KCNS3: variants seen among roughly 807,000 people sequenced by gnomAD.
The protein encoded by KCNS3 is delayed-rectifier potassium channel regulatory subunit KCNS3.
A neutral mutation model predicts 31.0 loss-of-function variants in KCNS3; 13 were observed. The observed-to-expected ratio is 0.42, with a 90% CI of 0.27 to 0.67. The LOEUF is 0.67. KCNS3 is among the 30% of genes least tolerant of loss of function. The pLI is 0.25. For missense variants in KCNS3, 545 were observed against 622.4 expected (o/e 0.88, Z 1.32); for synonymous variants, 238 against 241.5 (o/e 0.99, Z 0.13).
chr2:17,906,015 G>T (rs552432091), intron 1 of KCNS3, among the ~76,000 whole-genome samples: 50 of 152,272 alleles, frequency 3.3e-4, no homozygotes, highest in African/African-American at 1.1e-3. Flanking sequence ...TCTATTGATT[G>T]GAATAGTTTC....
At position 17,930,982 on chromosome 2, in the gene KCNS3, G is replaced by C; in HGVS notation, c.-27G>C. 6.3e-7 allele frequency: 1 copy of C among 1,599,938 alleles called. No homozygotes were observed. Among genetic ancestry groups the C allele is most frequent in the South Asian group, 1.1e-5 (1 of 88,684 alleles). ...CTGATCTTCCTCTTCTCCCTTGCCA[G>C]CCAGCACTCTGCCTTCTGTATCCAC... On this transcript the variant is annotated 5_prime_UTR_variant, in exon 3 of 3. Transcript: ENST00000304101.
chr2:17,923,787 C>T (rs2125252187), intron 2 of KCNS3, among the ~76,000 whole-genome samples: 1 of 151,756 alleles, frequency 6.6e-6, no homozygotes, highest in South Asian at 2.1e-4. Flanking sequence ...TCAAAAAGCC[C>T]ATATGGGCTT....
intron 1 of KCNS3, among the ~76,000 whole-genome samples, chr2:17,897,003 A>AT (rs1311413246): frequency 9.2e-5 from 14 of 152,154 alleles, no homozygotes; most frequent in Admixed American, 8.5e-4. Context: ...GGTAGTGAGC[A>AT]TAATACCAAA....
intron 1 of KCNS3, among the ~76,000 whole-genome samples, chr2:17,906,511 T>C (rs562809667): frequency 2.0e-5 from 3 of 152,356 alleles, no homozygotes; most frequent in South Asian, 4.1e-4. Context: ...AGCTTTTGAA[T>C]GTGTTTGCTC....
At chr2:17,893,940 GTTTTTTTTTTTTTTT>G (rs5829612) in intron 1 of KCNS3, among the ~76,000 whole-genome samples, 6 of 98,904 alleles carry the variant, frequency 6.1e-5, no homozygotes, top group African/African-American at 2.2e-4. Flanking sequence ...CCAGGAGCCA[GTTTTTTTTTTTTTTT>G]TTTTTTTTTT....
intron 1 of KCNS3, among the ~76,000 whole-genome samples, chr2:17,894,662 C>G (rs1661980188): frequency 6.6e-6 from 1 of 152,140 alleles, no homozygotes; most frequent in Admixed American, 6.5e-5. Context: ...GTTTGTTTTT[C>G]CCAAGTGTGC....
intron 1 of KCNS3, among the ~76,000 whole-genome samples, chr2:17,899,799 CTG>C (rs1286325367): frequency 6.6e-6 from 1 of 152,228 alleles, no homozygotes; most frequent in Non-Finnish European, 1.5e-5. Context: ...CCATAACAAA[CTG>C]TGACTCTTCT....
chr2:17,932,001 C>G lies in KCNS3; in HGVS notation c.993C>G (p.Leu331=), dbSNP rs1663004747. 2 of 1,614,140 alleles carry G rather than the reference C, an allele frequency of 1.2e-6. No homozygotes were observed. The highest frequency in any genetic ancestry group is 1.7e-6 in the Non-Finnish European group (2 of 1,180,028). The change falls in exon 3 of 3, where the codon CTC becomes CTG. Residue 331 remains leucine, a synonymous_variant. Coordinates refer to ENST00000304101, the MANE Select transcript of KCNS3 (RefSeq NM_002252.5). The part of the protein sequence containing the change: ...YHEVGLLLLF[L]SVGISIFSVL... ...AAGTTGGGCTTCTGCTTCTCTTCCT[C>G]TCTGTGGGCATTTCCATTTTCTCTG...
In KCNS3 at chr2:17,888,647, A is replaced by G. The variant is rs1240664569; in HGVS notation, c.-252+9841A>G. On this transcript the variant is annotated intron_variant, in intron 1 of 2. Transcript: ENST00000304101. Reference sequence around the variant, plus strand: ...AAAAAATGTATATATATATATATATATATATATATATATATATATATATAT... The same window carrying G: ...AAAAAATGTATATATATATATATATGTATATATATATATATATATATATAT... Among the ~76,000 whole-genome samples the G allele has an allele frequency of 1.5e-3, 202 of 130,656 alleles. 8 individuals carry two copies. The highest frequency in any genetic ancestry group is 4.7e-3 in the African/African-American group (169 of 36,024). 85.7% of individuals were successfully genotyped at this position (130,656 alleles called of 152,430 possible).
chr2:17,893,940 G>GTTTTTTTTTTTTTTTTTTTTTTTT (rs5829612), intron 1 of KCNS3, among the ~76,000 whole-genome samples: 1 of 98,904 alleles, frequency 1.0e-5, no homozygotes, highest in African/African-American at 4.5e-5. Flanking sequence ...CCAGGAGCCA[G>GTTTTTTTTTTTTTTTTTTTTTTTT]TTTTTTTTTT....
At chr2:17,917,450 C>G (rs527693847) in intron 1 of KCNS3, among the ~76,000 whole-genome samples, 1 of 152,218 alleles carries the variant, frequency 6.6e-6, no homozygotes, top group East Asian at 1.9e-4. Context: ...TAGAGGAATC[C>G]TAAGACTTTC....
At chr2:17,928,612 A>AT (rs1368631286) in intron 2 of KCNS3, among the ~76,000 whole-genome samples, 1 of 150,340 alleles carries the variant, frequency 6.7e-6, no homozygotes, top group East Asian at 1.9e-4. Flanking sequence ...GCTTTGTTGA[A>AT]TTTTTTTTAA....
chr2:17,912,381 C>T (rs1662490537), intron 1 of KCNS3, among the ~76,000 whole-genome samples: 1 of 152,216 alleles, frequency 6.6e-6, no homozygotes, highest in South Asian at 2.1e-4. Flanking sequence ...CAGCCCTAGC[C>T]TCTGTCTCCA....
chr2:17,882,980 T>A (rs1485169579), intron 1 of KCNS3, among the ~76,000 whole-genome samples: 3 of 152,178 alleles, frequency 2.0e-5, no homozygotes, highest in Admixed American at 1.3e-4. Context: ...GGGCAAGAGG[T>A]CTCATTCTCT....
At chr2:17,896,987 T>C (rs4482481) in intron 1 of KCNS3, among the ~76,000 whole-genome samples, 131,982 of 152,074 alleles carry the variant, frequency 0.87, 57,346 homozygotes, top group East Asian at 0.98. Flanking sequence ...TGGGACCAGT[T>C]ACCCAGGTAG....
Position 17,931,008 on chromosome 2 carries a change from C to G in KCNS3, c.-1C>G. On this transcript the variant is annotated 5_prime_UTR_variant, in exon 3 of 3. Coordinates refer to ENST00000304101, the MANE Select transcript of KCNS3 (RefSeq NM_002252.5). This position sits in a 1 kb window ranked among gnomAD's most constrained non-coding sequence, Gnocchi z 5.4. Reference sequence around the variant, plus strand: ...CCAGCACTCTGCCTTCTGTATCCACCATGGTGTTTGGTGAGTTTTTCCATC... The same window carrying G: ...CCAGCACTCTGCCTTCTGTATCCACGATGGTGTTTGGTGAGTTTTTCCATC... 6.2e-7 allele frequency: 1 copy of G among 1,612,322 alleles called. No individual in the cohort carries two copies. The highest frequency in any genetic ancestry group is 8.5e-7 in the Non-Finnish European group (1 of 1,179,042).
intron 2 of KCNS3, chr2:17,919,505 T>C (rs1312780830): frequency 1.3e-5 from 2 of 152,238 alleles, no homozygotes; most frequent in African/African-American, 2.4e-5. Context: ...AGAATCCTAG[T>C]CTTTCCCTCT....
intron 1 of KCNS3, among the ~76,000 whole-genome samples, chr2:17,889,741 C>A (rs776006904): frequency 6.6e-6 from 1 of 152,084 alleles, no homozygotes; most frequent in Non-Finnish European, 1.5e-5. Flanking sequence ...TATTGACTTG[C>A]ATATGTTAAA....
At chr2:17,928,620 T>A (rs975850482) in intron 2 of KCNS3, among the ~76,000 whole-genome samples, 2 of 152,238 alleles carry the variant, frequency 1.3e-5, no homozygotes, top group East Asian at 1.9e-4. Context: ...GAATTTTTTT[T>A]AAATTTTATT....
Sources: allele counts gnomAD v4.1 joint callset (sites outside exome capture counted in the v4.1 genomes callset), GRCh38; gene constraint gnomAD v4.1.1; non-coding constraint Gnocchi (gnomAD v3.1); transcripts MANE v1.5; gene names NCBI Gene and HGNC (gene_info 2026-07-23, HGNC 2026-07-21).